The following TMEM131 variants were observed in gnomAD, a reference collection of about 807,000 sequenced individuals.
The protein encoded by TMEM131 is transmembrane protein 131.
Under a neutral mutation model 211.6 loss-of-function variants are expected in TMEM131, and 66 were observed. That is an observed-to-expected ratio of 0.31 (90% CI 0.26 to 0.38). The LOEUF (loss-of-function observed/expected upper bound fraction) is 0.38. Among genes scored for constraint, TMEM131 ranks in the 10% least tolerant of loss-of-function variants. The probability of loss-of-function intolerance (pLI) is 1.00; values close to 1 mark genes in which losing one functional copy is unlikely to be tolerated. For missense variants in TMEM131, 2,036 were observed against 2,299.3 expected, an observed-to-expected ratio of 0.89 and a Z score of 2.34; for synonymous variants, 844 against 841.3, an observed-to-expected ratio of 1.00 and a Z score of -0.06.
At chr2:97,803,314 TAA>T (rs889982257) in intron 22 of TMEM131, among the ~76,000 whole-genome samples, 6 of 152,118 alleles carry the variant, frequency 3.9e-5, no homozygotes, top group Non-Finnish European at 7.4e-5. Context: ...CCCCTTGATA[TAA>T]AGACAAAACA....
At chr2:97,860,177 T>A (rs1238788626) in intron 4 of TMEM131, among the ~76,000 whole-genome samples, 1 of 152,224 alleles carries the variant, frequency 6.6e-6, no homozygotes, top group Non-Finnish European at 1.5e-5. Context: ...TCCTTGCTTT[T>A]TCTAACTACC....
intron 31 of TMEM131, among the ~76,000 whole-genome samples, chr2:97,776,791 C>G (rs1280359322): frequency 6.6e-6 from 1 of 152,204 alleles, no homozygotes; most frequent in African/African-American, 2.4e-5. Context: ...AGCAGTGTAG[C>G]CATAATGGCT....
intron 4 of TMEM131, among the ~76,000 whole-genome samples, chr2:97,875,529 C>T (rs1645458417): frequency 6.6e-6 from 1 of 152,236 alleles, no homozygotes; most frequent in South Asian, 2.1e-4. Context: ...TCTCAGATCA[C>T]AGTGCAATCA....
At chr2:97,871,940 C>T (rs1467126195) in intron 4 of TMEM131, among the ~76,000 whole-genome samples, 6 of 114,460 alleles carry the variant, frequency 5.2e-5, no homozygotes, top group South Asian at 3.2e-4. Context: ...AAAATGGGGT[C>T]GGGGGGGGAG....
At position 97,976,960 on chromosome 2, in the gene TMEM131, CAAAAA is replaced by C. The variant is rs34708023; in HGVS notation, c.187+18511_187+18515del. Among the ~76,000 whole-genome samples, 841 of 112,188 alleles carry C rather than the reference CAAAAA, an allele frequency of 7.5e-3. 6 individuals are homozygous for C. Among genetic ancestry groups the C allele is most frequent in the African/African-American group, 0.027 (786 of 29,320 alleles). 73.6% of individuals were successfully genotyped at this position (112,188 alleles called of 152,430 possible). Reference sequence around the variant, plus strand: ...ACTAGAAGAACTGGTTATTTATATGCAAAAAAAAAAAAAAAAAAGAACTTGGGTAC... The same window carrying C: ...ACTAGAAGAACTGGTTATTTATATGCAAAAAAAAAAAAAGAACTTGGGTAC... On this transcript the variant is annotated intron_variant, in intron 1 of 40. Transcript: ENST00000186436.
intron 29 of TMEM131, 47 bp from the exon 30 acceptor site, chr2:97,793,600 G>C (rs1294012580): frequency 6.5e-7 from 1 of 1,533,058 alleles, no homozygotes; most frequent in Non-Finnish European, 8.8e-7. Flanking sequence ...TTTGTTAGTA[G>C]ACAAGCAACA....
At position 97,876,956 on chromosome 2, in the gene TMEM131, T is replaced by C. The variant is rs1169519785; in HGVS notation, c.359+11096A>G. Among the ~76,000 whole-genome samples the C allele has an allele frequency of 2.0e-5, 3 of 152,166 alleles. No individual in the cohort carries two copies. The East Asian group carries it at 5.8e-4, about 29-fold the overall frequency. On this transcript the variant is annotated intron_variant, in intron 4 of 40. Coordinates refer to ENST00000186436, the MANE Select transcript of TMEM131 (RefSeq NM_015348.2). The stretch of plus-strand genomic sequence containing the variant: ...ATGATGATACGTTTAGAAAACCCCA[T>C]CGACTCAGCCCAAAATCTCCTTAAG...
intron 1 of TMEM131, among the ~76,000 whole-genome samples, chr2:97,940,134 A>C (rs1390367870): frequency 1.3e-5 from 2 of 152,172 alleles, no homozygotes; most frequent in East Asian, 1.9e-4. Context: ...GCCCTCTCTC[A>C]CCACTCCTAT....
chr2:97,992,203 T>C (rs184476468), intron 1 of TMEM131, among the ~76,000 whole-genome samples: 1 of 152,210 alleles, frequency 6.6e-6, no homozygotes. Context: ...AGGTTAAAAA[T>C]AGTTTGGTTA....
At chr2:97,957,678 T>C (rs888884520) in intron 1 of TMEM131, among the ~76,000 whole-genome samples, 1 of 152,246 alleles carries the variant, frequency 6.6e-6, no homozygotes, top group Non-Finnish European at 1.5e-5. Flanking sequence ...TTAGAACTTC[T>C]ATTCCAAAGG....
At chr2:97,943,419 A>G (rs977352335) in intron 1 of TMEM131, among the ~76,000 whole-genome samples, 3 of 152,216 alleles carry the variant, frequency 2.0e-5, no homozygotes, top group Non-Finnish European at 2.9e-5. Flanking sequence ...ACAAAATACA[A>G]GCAAATCATA....
intron 31 of TMEM131, among the ~76,000 whole-genome samples, chr2:97,783,029 C>T (rs1259520737): frequency 6.7e-6 from 1 of 148,568 alleles, no homozygotes. Context: ...CATCAAGATG[C>T]ATTATAATCA....
In TMEM131 at chr2:97,759,941, C is replaced by T. The variant is rs569514247; in HGVS notation, c.5109-192G>A. ...GGTTGAGTCGGAGGGAGCCCCAGAG[C>T]TCCGGATGCCCTATCACTAGCTCAC... On this transcript the variant is annotated intron_variant, in intron 38 of 40. Coordinates refer to ENST00000186436, the MANE Select transcript of TMEM131 (RefSeq NM_015348.2). 3 of 566,248 alleles carry T rather than the reference C, an allele frequency of 5.3e-6. No individual in the cohort carries two copies. In the Admixed American group the frequency reaches 8.9e-5, roughly 17 times the overall value. The allele number at this position is 566,248 out of a possible 1,614,324, so 35.1% of individuals were successfully genotyped here. A position where few individuals can be genotyped will look rare whatever the true frequency, so the allele number is the denominator to read the frequency against.
chr2:97,992,361 A>G (rs1395847615), intron 1 of TMEM131, among the ~76,000 whole-genome samples: 1 of 152,228 alleles, frequency 6.6e-6, no homozygotes, highest in Non-Finnish European at 1.5e-5. Context: ...CTATGTCACA[A>G]ATACAGCTTA....
chr2:97,833,324 A>C, intron 11 of TMEM131, 41 bp downstream of exon 11: 1 of 933,108 alleles, frequency 1.1e-6, no homozygotes, highest in Non-Finnish European at 1.6e-6. Context: ...TTTAAAAACA[A>C]AGAATATATA....
intron 31 of TMEM131, among the ~76,000 whole-genome samples, chr2:97,777,348 G>A (rs1679788058): frequency 6.6e-6 from 1 of 152,246 alleles, no homozygotes. Flanking sequence ...TTATCCCAGA[G>A]AATGCCACCA....
chr2:97,956,864 C>T (rs1398849690), intron 1 of TMEM131, among the ~76,000 whole-genome samples: 3 of 151,870 alleles, frequency 2.0e-5, no homozygotes, highest in East Asian at 1.9e-4. Context: ...TTTGGGAGGC[C>T]GAGGCAGGCA....
At chr2:97,873,068 C>T (rs577833934) in intron 4 of TMEM131, among the ~76,000 whole-genome samples, 11 of 152,310 alleles carry the variant, frequency 7.2e-5, no homozygotes, top group Non-Finnish European at 1.2e-4. Context: ...GGGGGAGGGG[C>T]GTCCGCCATT....
intron 1 of TMEM131, among the ~76,000 whole-genome samples, chr2:97,951,688 G>A (rs775465646): frequency 5.3e-5 from 8 of 151,962 alleles, no homozygotes; most frequent in Non-Finnish European, 8.8e-5. Context: ...TGGGATACAC[G>A]GGGGAAAAAC....
Sources: gnomAD v4.1 joint callset for allele counts (sites outside exome capture counted in the v4.1 genomes callset) on GRCh38, gnomAD v4.1.1 for gene constraint, MANE v1.5 for transcripts, NCBI Gene and HGNC (gene_info 2026-07-23, HGNC 2026-07-21) for gene names.